Variants in MGLL observed in about 807,000 individuals in gnomAD.
The protein encoded by MGLL is lysophospholipase homolog.
A neutral mutation model predicts 29.1 loss-of-function variants in MGLL; 7 were observed. The observed-to-expected ratio is 0.24, with a 90% CI of 0.14 to 0.45. The LOEUF (loss-of-function observed/expected upper bound fraction) is 0.45, where lower values mean the gene tolerates loss of function less well. MGLL is among the 20% of genes least tolerant of loss of function. The pLI, the probability that MGLL is intolerant of heterozygous loss-of-function variation, is 0.99. For synonymous variants in MGLL, 148 were observed against 168.3 expected (o/e 0.88, Z 0.93); for missense variants, 356 against 413.6 (o/e 0.86, Z 1.21).
chr3:127,794,831 C>A (rs990695870), intron 2 of MGLL, among the ~76,000 whole-genome samples: 7 of 152,304 alleles, frequency 4.6e-5, no homozygotes, highest in Middle Eastern at 3.4e-3. Flanking sequence ...CCTCAGGATA[C>A]CCCCCTCCTT....
chr3:127,720,343 A>G (rs2075894391), intron 5 of MGLL, among the ~76,000 whole-genome samples: 1 of 152,060 alleles, frequency 6.6e-6, no homozygotes, highest in Admixed American at 6.6e-5. Flanking sequence ...TATCTACCTT[A>G]AGCCTGATGC....
intron 2 of MGLL, among the ~76,000 whole-genome samples, chr3:127,809,587 ACACACTCTAGCCTGGGTGACAGAGCAAAG>A (rs1276617142): frequency 1.1e-4 from 16 of 152,134 alleles, no homozygotes; most frequent in African/African-American, 3.6e-4. Flanking sequence ...GATTGAGCCA[ACACACTCTAGCCTGGGTGACAGAGCAAAG>A]CCCTGTCTCT....
intron 3 of MGLL, among the ~76,000 whole-genome samples, chr3:127,754,767 G>A (rs57763775): frequency 9.8e-4 from 150 of 152,334 alleles, no homozygotes; most frequent in African/African-American, 3.3e-3. Flanking sequence ...TGGCCTTCCC[G>A]TGTGCCTCCC....
At chr3:127,749,551 G>A (rs974620489) in intron 3 of MGLL, among the ~76,000 whole-genome samples, 1 of 152,202 alleles carries the variant, frequency 6.6e-6, no homozygotes, top group African/African-American at 2.4e-5. Context: ...TACTCACTGA[G>A]CACTTGCTGT....
At chr3:127,803,315 C>T (rs2077510984) in intron 2 of MGLL, among the ~76,000 whole-genome samples, 1 of 152,126 alleles carries the variant, frequency 6.6e-6, no homozygotes, top group Admixed American at 6.6e-5. Flanking sequence ...ACGGGGAGGG[C>T]CTTTGTTTGC....
chr3:127,717,835 C>T (rs1041714403), intron 5 of MGLL, among the ~76,000 whole-genome samples: 1 of 152,182 alleles, frequency 6.6e-6, no homozygotes, highest in African/African-American at 2.4e-5. Context: ...TGGAGCTTTA[C>T]ACTCTTCCAG....
intron 3 of MGLL, among the ~76,000 whole-genome samples, chr3:127,747,678 C>T (rs1006067598): frequency 1.3e-5 from 2 of 152,220 alleles, no homozygotes; most frequent in South Asian, 4.1e-4. Flanking sequence ...ATGATCATTT[C>T]CATCAAGTGG....
chr3:127,819,131 C>T (rs576149549), intron 2 of MGLL, among the ~76,000 whole-genome samples: 1 of 152,296 alleles, frequency 6.6e-6, no homozygotes, highest in South Asian at 2.1e-4. Context: ...GTTTATACGA[C>T]AGAATTTGCT....
At chr3:127,747,675 T>C (rs1207973722) in intron 3 of MGLL, among the ~76,000 whole-genome samples, 1 of 152,244 alleles carries the variant, frequency 6.6e-6, no homozygotes, top group Non-Finnish European at 1.5e-5. Context: ...GGTATGATCA[T>C]TTCCATCAAG....
intron 3 of MGLL, among the ~76,000 whole-genome samples, chr3:127,750,489 G>C (rs1484315572): frequency 6.6e-6 from 1 of 152,186 alleles, no homozygotes; most frequent in Non-Finnish European, 1.5e-5. Context: ...AAAAACGAGG[G>C]AGAGAGAACC....
chr3:127,754,115 G>A (rs1162562180), intron 3 of MGLL, among the ~76,000 whole-genome samples: 1 of 152,134 alleles, frequency 6.6e-6, no homozygotes, highest in Non-Finnish European at 1.5e-5. Context: ...TACGGAGGAG[G>A]CCACAGCCTC....
intron 2 of MGLL, among the ~76,000 whole-genome samples, chr3:127,813,258 A>T (rs2077696378): frequency 6.6e-6 from 1 of 151,700 alleles, no homozygotes; most frequent in African/African-American, 2.4e-5. Context: ...TTGTTCTCCC[A>T]GAGGCCTCCT....
chr3:127,807,750 CTTTTTTT>C (rs35444871), intron 2 of MGLL, among the ~76,000 whole-genome samples: 6 of 59,474 alleles, frequency 1.0e-4, no homozygotes, highest in African/African-American at 4.2e-4. Context: ...TGTGAAAAGT[CTTTTTTT>C]TTTTTTTTTT....
At chr3:127,695,938 T>C (rs189179295) in intron 6 of MGLL, among the ~76,000 whole-genome samples, 381 of 152,340 alleles carry the variant, frequency 2.5e-3, no homozygotes, top group Non-Finnish European at 4.7e-3. Context: ...AACAGTAAAC[T>C]GCAGGAACAG....
At position 127,817,234 on chromosome 3, in the gene MGLL, G is replaced by T. The variant is rs533178446; in HGVS notation, c.155+4460C>A. ...AAATGCTAAACAGAGATTTAAAGGA[G>T]GAGGCACTTACTGGAGGTGTGAGGG... On this transcript the variant is annotated intron_variant, in intron 2 of 7. Coordinates refer to ENST00000265052, the MANE Select transcript of MGLL (RefSeq NM_007283.7). Among the ~76,000 whole-genome samples, 4 of 152,376 alleles carry T rather than the reference G, an allele frequency of 2.6e-5. No homozygotes were observed. In the East Asian group the frequency reaches 7.7e-4, roughly 29 times the overall value.
At chr3:127,746,747 C>T (rs2076452681) in intron 3 of MGLL, among the ~76,000 whole-genome samples, 2 of 152,164 alleles carry the variant, frequency 1.3e-5, no homozygotes, top group Admixed American at 1.3e-4. Context: ...CGTAGGGAGC[C>T]TCCCTCTCGT....
chr3:127,764,985 T>C (rs1026305850), intron 3 of MGLL, among the ~76,000 whole-genome samples: 1 of 152,196 alleles, frequency 6.6e-6, no homozygotes, highest in East Asian at 1.9e-4. Context: ...CAGAGTCACA[T>C]AGCAAATAAG....
intron 5 of MGLL, 95 bp downstream of exon 5, chr3:127,720,958 G>A: frequency 9.6e-7 from 1 of 1,036,728 alleles, no homozygotes; most frequent in Non-Finnish European, 1.5e-6. Flanking sequence ...GTCCAAGGAT[G>A]GCCTTTGGTC....
intron 3 of MGLL, among the ~76,000 whole-genome samples, chr3:127,737,071 C>T (rs540044369): frequency 1.3e-5 from 2 of 152,170 alleles, no homozygotes; most frequent in Non-Finnish European, 2.9e-5. Flanking sequence ...GAGGCTAAGG[C>T]CAGTAGCACT....
Sources: allele counts gnomAD v4.1 joint callset (sites outside exome capture counted in the v4.1 genomes callset), GRCh38; gene constraint gnomAD v4.1.1; transcripts MANE v1.5; gene names NCBI Gene and HGNC (gene_info 2026-07-23, HGNC 2026-07-21).